Variants in OLA1 observed in about 807,000 individuals in gnomAD.
The protein encoded by OLA1 is obg-like ATPase 1.
In OLA1, 14 loss-of-function variants were observed where a neutral mutation model predicts 48.4. That is an observed-to-expected ratio of 0.29 (90% confidence interval 0.19 to 0.45). The LOEUF (loss-of-function observed/expected upper bound fraction) is 0.45. OLA1 is among the 20% of genes least tolerant of loss of function. OLA1 has a pLI of 1.00. For synonymous variants in OLA1, 127 were observed against 150.4 expected, an observed-to-expected ratio of 0.84 and a Z score of 1.14; for missense variants, 325 against 467.1, an observed-to-expected ratio of 0.70 and a Z score of 2.80.
intron 5 of OLA1, among the ~76,000 whole-genome samples, chr2:174,141,602 T>C (rs1345371243): frequency 1.3e-5 from 2 of 152,210 alleles, no homozygotes; most frequent in Non-Finnish European, 2.9e-5. Context: ...AAACACTCAC[T>C]ATTACTGCTA....
At chr2:174,094,708 G>A (rs1376230057) in intron 7 of OLA1, among the ~76,000 whole-genome samples, 3 of 152,176 alleles carry the variant, frequency 2.0e-5, no homozygotes, top group Non-Finnish European at 2.9e-5. Flanking sequence ...AATTTACCAA[G>A]TATACAGTTC....
chr2:174,099,315 C>A (rs926992158), intron 7 of OLA1, among the ~76,000 whole-genome samples: 1 of 151,962 alleles, frequency 6.6e-6, no homozygotes, highest in Non-Finnish European at 1.5e-5. Flanking sequence ...GCCACCACGC[C>A]CAGCTAATTT....
At chr2:174,150,530 G>T (rs1686718275) in intron 4 of OLA1, among the ~76,000 whole-genome samples, 1 of 152,146 alleles carries the variant, frequency 6.6e-6, no homozygotes, top group Non-Finnish European at 1.5e-5. Context: ...GAATAAGAGG[G>T]TATGTAATCA....
intron 4 of OLA1, among the ~76,000 whole-genome samples, chr2:174,184,009 T>A (rs557257587): frequency 1.3e-5 from 2 of 152,178 alleles, no homozygotes; most frequent in Non-Finnish European, 2.9e-5. Flanking sequence ...CTATACTCCA[T>A]GCAACTAAAG....
At chr2:174,144,952 ATATATATATATAT>A (rs1391704562) in intron 4 of OLA1, among the ~76,000 whole-genome samples, 5 of 48,998 alleles carry the variant, frequency 1.0e-4, no homozygotes, top group East Asian at 2.8e-3. Flanking sequence ...AAAAAAAAAA[ATATATATATATAT>A]ATATATATAT....
At chr2:174,124,640 T>C (rs144616112) in intron 5 of OLA1, among the ~76,000 whole-genome samples, 21 of 152,338 alleles carry the variant, frequency 1.4e-4, no homozygotes, top group African/African-American at 4.8e-4. Context: ...GAGAGTCATC[T>C]GGGTGTCTGT....
intron 7 of OLA1, among the ~76,000 whole-genome samples, chr2:174,105,680 T>A (rs1558955973): frequency 6.6e-6 from 1 of 152,008 alleles, no homozygotes; most frequent in Non-Finnish European, 1.5e-5. Flanking sequence ...TTACAGATAA[T>A]CTGTTTGCTG....
intron 4 of OLA1, among the ~76,000 whole-genome samples, chr2:174,160,565 G>A (rs1409773563): frequency 6.6e-6 from 1 of 152,168 alleles, no homozygotes; most frequent in East Asian, 1.9e-4. Context: ...TCCCAGAGTA[G>A]GCACACCTGC....
At chr2:174,149,673 G>A (rs1226757914) in intron 4 of OLA1, among the ~76,000 whole-genome samples, 1 of 152,120 alleles carries the variant, frequency 6.6e-6, no homozygotes, top group African/African-American at 2.4e-5. Context: ...TATTCCTGTG[G>A]TACTGGACAT....
intron 4 of OLA1, among the ~76,000 whole-genome samples, chr2:174,172,894 G>A (rs1413784933): frequency 6.6e-6 from 1 of 152,104 alleles, no homozygotes; most frequent in Non-Finnish European, 1.5e-5. Context: ...TTCTTGCTCT[G>A]AGTTCAGTGC....
intron 7 of OLA1, among the ~76,000 whole-genome samples, chr2:174,108,202 T>C (rs1221788022): frequency 6.6e-6 from 1 of 152,140 alleles, no homozygotes; most frequent in Non-Finnish European, 1.5e-5. Flanking sequence ...TTTAAAATGG[T>C]ATTCATTTAG....
intron 4 of OLA1, among the ~76,000 whole-genome samples, chr2:174,201,912 G>C (rs1164735266): frequency 1.3e-5 from 2 of 151,980 alleles, no homozygotes; most frequent in Non-Finnish European, 2.9e-5. Context: ...AGCCAGTATG[G>C]GTAGTTATAA....
At chr2:174,163,902 C>T (rs929551304) in intron 4 of OLA1, among the ~76,000 whole-genome samples, 16 of 151,094 alleles carry the variant, frequency 1.1e-4, no homozygotes, top group Non-Finnish European at 1.6e-4. Flanking sequence ...ACTTTTAAAA[C>T]GTGGTGGTAC....
At chr2:174,097,027 G>A (rs187369205) in intron 7 of OLA1, among the ~76,000 whole-genome samples, 300 of 152,244 alleles carry the variant, frequency 2.0e-3, no homozygotes, top group Non-Finnish European at 3.7e-3. Flanking sequence ...GTGGTGGCAG[G>A]TGCCTGTAAT....
intron 4 of OLA1, among the ~76,000 whole-genome samples, chr2:174,175,407 C>T (rs1267775418): frequency 6.6e-6 from 1 of 151,232 alleles, no homozygotes; most frequent in East Asian, 1.9e-4. Flanking sequence ...GACAAACAAT[C>T]CAATTAAAAA....
At chr2:174,079,941 A>C (rs16862337) in intron 9 of OLA1, among the ~76,000 whole-genome samples, 17,435 of 152,012 alleles carry the variant, frequency 0.11, 2,225 homozygotes, top group East Asian at 0.7. Flanking sequence ...AAGATAAACC[A>C]GCTTTCACAT....
intron 4 of OLA1, among the ~76,000 whole-genome samples, chr2:174,212,773 C>T (rs1320912427): frequency 6.6e-6 from 1 of 152,144 alleles, no homozygotes; most frequent in Non-Finnish European, 1.5e-5. Context: ...GGGTGAGGAT[C>T]ATCAGTGTCA....
chr2:174,118,695 G>T (rs1008717369), intron 7 of OLA1, among the ~76,000 whole-genome samples: 1 of 152,160 alleles, frequency 6.6e-6, no homozygotes, highest in Non-Finnish European at 1.5e-5. Flanking sequence ...TGACATATTT[G>T]ATAAATTACA....
At chr2:174,112,748 C>A (rs571070229) in intron 7 of OLA1, among the ~76,000 whole-genome samples, 2 of 152,158 alleles carry the variant, frequency 1.3e-5, no homozygotes, top group South Asian at 4.1e-4. Context: ...ATGGGATGAC[C>A]CTCAGAAGAT....
Sources: allele counts gnomAD v4.1 joint callset (sites outside exome capture counted in the v4.1 genomes callset), GRCh38; gene constraint gnomAD v4.1.1; transcripts MANE v1.5; gene names NCBI Gene and HGNC (gene_info 2026-07-23, HGNC 2026-07-21).